Variants in GUCY1A2 observed in about 807,000 individuals in gnomAD.
GUCY1A2 encodes guanylate cyclase soluble subunit alpha-2.
Under a neutral mutation model 63.5 loss-of-function variants are expected in GUCY1A2, and 27 were observed. That is an observed-to-expected ratio of 0.43 (90% CI 0.31 to 0.59). The LOEUF (loss-of-function observed/expected upper bound fraction) is 0.59, where lower values mean the gene tolerates loss of function less well. Ranked by LOEUF, GUCY1A2 falls within the 20% of genes least tolerant of loss-of-function variation. GUCY1A2 has a pLI of 0.11. For missense variants in GUCY1A2, 768 were observed against 913.3 expected, an observed-to-expected ratio of 0.84 and a Z score of 2.05; for synonymous variants, 364 against 343.5, an observed-to-expected ratio of 1.06 and a Z score of -0.66.
intron 7 of GUCY1A2, among the ~76,000 whole-genome samples, chr11:106,691,821 A>T (rs1359121297): frequency 1.3e-5 from 2 of 152,220 alleles, no homozygotes; most frequent in African/African-American, 2.4e-5. Flanking sequence ...AAATGAGAGC[A>T]CATAAGGATA....
chr11:106,881,711 T>G (rs1215785402), intron 4 of GUCY1A2, among the ~76,000 whole-genome samples: 1 of 151,996 alleles, frequency 6.6e-6, no homozygotes, highest in African/African-American at 2.4e-5. Flanking sequence ...AAAATGAGAA[T>G]GTAAAGAAAG....
chr11:106,776,852 C>T (rs368002110), intron 5 of GUCY1A2, among the ~76,000 whole-genome samples: 21 of 152,142 alleles, frequency 1.4e-4, no homozygotes, highest in Admixed American at 2.6e-4. Flanking sequence ...TTATCCCCCA[C>T]GAAAACAGGA....
intron 3 of GUCY1A2, among the ~76,000 whole-genome samples, chr11:106,971,463 G>A (rs1019902610): frequency 3.3e-5 from 5 of 152,158 alleles, no homozygotes; most frequent in East Asian, 1.9e-4. Flanking sequence ...TTTCCCCTGG[G>A]AGTTTCTGTT....
intron 4 of GUCY1A2, among the ~76,000 whole-genome samples, chr11:106,818,823 A>G (rs1274760658): frequency 6.6e-6 from 1 of 152,178 alleles, no homozygotes; most frequent in Non-Finnish European, 1.5e-5. Context: ...AGTAGTATGC[A>G]TGGAAGATCA....
At chr11:106,736,663 G>A (rs1329843428) in intron 6 of GUCY1A2, among the ~76,000 whole-genome samples, 2 of 152,066 alleles carry the variant, frequency 1.3e-5, no homozygotes, top group African/African-American at 4.8e-5. Context: ...CTATTTCTGT[G>A]AAGAATGTCA....
intron 4 of GUCY1A2, among the ~76,000 whole-genome samples, chr11:106,835,688 A>G (rs952724016): frequency 1.3e-5 from 2 of 151,888 alleles, no homozygotes; most frequent in Non-Finnish European, 2.9e-5. Context: ...GACTGACACT[A>G]TATAGAAGTA....
chr11:106,811,209 G>A (rs1169930698), intron 4 of GUCY1A2, among the ~76,000 whole-genome samples: 1 of 152,048 alleles, frequency 6.6e-6, no homozygotes, highest in Admixed American at 6.6e-5. Context: ...TCTTTTCTAT[G>A]CCCTTTCACT....
chr11:106,828,903 ATTTGT>A lies in GUCY1A2; in HGVS notation c.1207-18430_1207-18426del, dbSNP rs904999921. Among the ~76,000 whole-genome samples, 13 of 152,352 alleles carry A rather than the reference ATTTGT, an allele frequency of 8.5e-5. No individual in the cohort carries two copies. In the East Asian group the frequency reaches 9.6e-4, roughly 11 times the overall value. On this transcript the variant is annotated intron_variant, in intron 4 of 7. Coordinates refer to ENST00000526355, the MANE Select transcript of GUCY1A2 (RefSeq NM_000855.3). ...TATTTCAACAAATACTCCAGAAAGT[ATTTGT>A]TTTAACAACTTTATTAATGATTTTC... is the stretch of plus-strand genomic sequence containing the variant.
At chr11:106,827,700 TC>T in intron 4 of GUCY1A2, 2 of 1,543,512 alleles carry the variant, frequency 1.3e-6, no homozygotes, top group South Asian at 2.2e-5. Context: ...TTCTTCAACA[TC>T]AAATTCTTCC....
At chr11:106,915,974 G>GAA (rs142281325) in intron 4 of GUCY1A2, among the ~76,000 whole-genome samples, 10 of 135,978 alleles carry the variant, frequency 7.4e-5, no homozygotes, top group South Asian at 5.1e-4. Context: ...GTAAAGAAAA[G>GAA]AAAAAAAAAA....
At chr11:106,866,417 T>A (rs532490147) in intron 4 of GUCY1A2, among the ~76,000 whole-genome samples, 1 of 151,978 alleles carries the variant, frequency 6.6e-6, no homozygotes, top group Non-Finnish European at 1.5e-5. Flanking sequence ...CTTGAGACAG[T>A]GTGGACGTCG....
At chr11:107,004,883 C>T (rs944241651) in intron 1 of GUCY1A2, among the ~76,000 whole-genome samples, 2 of 152,076 alleles carry the variant, frequency 1.3e-5, no homozygotes, top group Admixed American at 6.6e-5. Context: ...ATGATGCTTG[C>T]TTAGCATATT....
intron 1 of GUCY1A2, among the ~76,000 whole-genome samples, chr11:107,011,945 G>A (rs2120212757): frequency 6.6e-6 from 1 of 152,190 alleles, no homozygotes; most frequent in Admixed American, 6.5e-5. Context: ...AGTAGATGAA[G>A]AATGCTTGGA....
At chr11:107,013,822 T>C (rs998291985) in intron 1 of GUCY1A2, among the ~76,000 whole-genome samples, 2 of 152,182 alleles carry the variant, frequency 1.3e-5, no homozygotes, top group African/African-American at 4.8e-5. Flanking sequence ...GCCAAGACAA[T>C]TGGAGTTCTT....
At chr11:106,952,119 C>A (rs1407465862) in intron 3 of GUCY1A2, among the ~76,000 whole-genome samples, 1 of 152,108 alleles carries the variant, frequency 6.6e-6, no homozygotes, top group Non-Finnish European at 1.5e-5. Context: ...GTACCAGTAC[C>A]ATGCTATTTT....
chr11:106,692,784 A>C (rs1205349208), intron 7 of GUCY1A2, among the ~76,000 whole-genome samples: 2 of 152,178 alleles, frequency 1.3e-5, no homozygotes, highest in Non-Finnish European at 2.9e-5. Flanking sequence ...GAAGACTGAG[A>C]GGGAAACAAG....
chr11:106,887,343 T>C (rs748913161), intron 4 of GUCY1A2, among the ~76,000 whole-genome samples: 14 of 152,166 alleles, frequency 9.2e-5, no homozygotes, highest in Non-Finnish European at 1.6e-4. Flanking sequence ...ATGAGTTAAT[T>C]AGTTTGGGGC....
chr11:106,912,802 C>T (rs191634882), intron 4 of GUCY1A2, among the ~76,000 whole-genome samples: 26 of 152,142 alleles, frequency 1.7e-4, no homozygotes, highest in African/African-American at 3.4e-4. Flanking sequence ...TTTAATGAAA[C>T]CTTCTGTTTC....
chr11:106,809,963 A>T, intron 5 of GUCY1A2, 30 bp downstream of exon 5: 4 of 1,415,702 alleles, frequency 2.8e-6, no homozygotes, highest in Non-Finnish European at 3.9e-6. Context: ...ATTAAAAAAC[A>T]TTTATATGTA....
Sources: gnomAD v4.1 joint callset for allele counts (sites outside exome capture counted in the v4.1 genomes callset) on GRCh38, gnomAD v4.1.1 for gene constraint, MANE v1.5 for transcripts, NCBI Gene and HGNC (gene_info 2026-07-23, HGNC 2026-07-21) for gene names.